NKAIN2: variants seen among roughly 807,000 people sequenced by gnomAD.
NKAIN2 encodes the protein sodium/potassium transporting ATPase interacting 2.
Under a neutral mutation model 32.6 loss-of-function variants are expected in NKAIN2, and 14 were observed. The ratio of observed to expected loss-of-function variants is 0.43; its 90% CI spans 0.28 to 0.67. The LOEUF (loss-of-function observed/expected upper bound fraction) is 0.67. NKAIN2 is among the 30% of genes least tolerant of loss of function. NKAIN2 has a pLI of 0.17. For missense variants in NKAIN2, 198 were observed against 258.3 expected (o/e 0.77, Z 1.60); for synonymous variants, 80 against 87.2 (o/e 0.92, Z 0.46).
At chr6:124,754,538 T>C (rs1435890186) in intron 4 of NKAIN2, among the ~76,000 whole-genome samples, 3 of 151,874 alleles carry the variant, frequency 2.0e-5, no homozygotes, top group East Asian at 3.9e-4. Context: ...GGAAAACAAG[T>C]TCAACATCAC....
At chr6:124,135,043 G>A (rs1244646758) in intron 1 of NKAIN2, among the ~76,000 whole-genome samples, 1 of 151,906 alleles carries the variant, frequency 6.6e-6, no homozygotes, top group African/African-American at 2.4e-5. Flanking sequence ...TTTTGTATCC[G>A]GCAAAAGAGA....
intron 3 of NKAIN2, among the ~76,000 whole-genome samples, chr6:124,635,943 A>G (rs1783757741): frequency 1.3e-5 from 2 of 152,062 alleles, no homozygotes; most frequent in South Asian, 4.1e-4. Context: ...GCAAATAGGC[A>G]TAATAGACAT....
At chr6:124,346,275 AG>A (rs1798418717) in intron 2 of NKAIN2, among the ~76,000 whole-genome samples, 1 of 152,102 alleles carries the variant, frequency 6.6e-6, no homozygotes, top group Non-Finnish European at 1.5e-5. Context: ...ATTTTGGAAT[AG>A]GTGTGGTGTG....
Position 124,650,215 on chromosome 6 carries a change from C to T in NKAIN2, c.274-7971C>T, listed in dbSNP as rs370106866. On this transcript the variant is annotated intron_variant, in intron 3 of 6. Transcript: ENST00000368417. ...GAAGAGATAAAACTATTTTTGCTCACAGATAAAATGATTGTCTGTGTAGAA... is the reference window on the plus strand; with the variant it reads ...GAAGAGATAAAACTATTTTTGCTCATAGATAAAATGATTGTCTGTGTAGAA... 2.5e-4 allele frequency among the ~76,000 whole-genome samples: 38 copies of T among 152,196 alleles called. 1 individual carries two copies. The South Asian group carries it at 7.5e-3, about 30-fold the overall frequency.
intron 3 of NKAIN2, among the ~76,000 whole-genome samples, chr6:124,466,535 C>T (rs1027733539): frequency 6.6e-6 from 1 of 151,892 alleles, no homozygotes; most frequent in Non-Finnish European, 1.5e-5. Context: ...ACTGCTCATC[C>T]ATCAAATCCT....
At chr6:124,733,654 AAGAAG>A (rs1285822312) in intron 4 of NKAIN2, among the ~76,000 whole-genome samples, 1 of 151,868 alleles carries the variant, frequency 6.6e-6, no homozygotes, top group Non-Finnish European at 1.5e-5. Flanking sequence ...GGTTGAAGAT[AAGAAG>A]AGAAGGCTAG....
chr6:123,874,699 TA>T (rs1773084024), intron 1 of NKAIN2, among the ~76,000 whole-genome samples: 2 of 152,278 alleles, frequency 1.3e-5, no homozygotes, highest in African/African-American at 4.8e-5. Context: ...AAAGGGTTCA[TA>T]AAAATTGAAT....
At chr6:124,662,665 C>T (rs559021202) in intron 4 of NKAIN2, among the ~76,000 whole-genome samples, 3 of 152,116 alleles carry the variant, frequency 2.0e-5, no homozygotes, top group East Asian at 3.9e-4. Context: ...CTGAGGATAC[C>T]GTTAGTGAAG....
intron 2 of NKAIN2, among the ~76,000 whole-genome samples, chr6:124,348,937 G>A (rs1203852206): frequency 3.3e-5 from 5 of 152,188 alleles, no homozygotes; most frequent in Non-Finnish European, 7.3e-5. Flanking sequence ...GGTGCACCAG[G>A]AGATTATATC....
intron 5 of NKAIN2, among the ~76,000 whole-genome samples, chr6:124,816,360 T>C (rs1341556196): frequency 6.6e-6 from 1 of 152,182 alleles, no homozygotes; most frequent in Non-Finnish European, 1.5e-5. Context: ...TAGATACATG[T>C]CACGCATTTA....
At chr6:123,871,899 A>G (rs1475140003) in intron 1 of NKAIN2, among the ~76,000 whole-genome samples, 1 of 152,224 alleles carries the variant, frequency 6.6e-6, no homozygotes. Context: ...GAATTTCCTT[A>G]TAATCTCACA....
chr6:124,067,497 C>T (rs2114871302), intron 1 of NKAIN2, among the ~76,000 whole-genome samples: 1 of 152,268 alleles, frequency 6.6e-6, no homozygotes, highest in African/African-American at 2.4e-5. Context: ...AAATAGAAGT[C>T]TGAGGACCAG....
intron 3 of NKAIN2, among the ~76,000 whole-genome samples, chr6:124,609,167 T>C (rs948461733): frequency 2.0e-5 from 3 of 152,164 alleles, no homozygotes. Flanking sequence ...ACAATGCTCC[T>C]AGTTACCTGA....
intron 1 of NKAIN2, among the ~76,000 whole-genome samples, chr6:124,136,204 C>A (rs1219462127): frequency 2.6e-5 from 4 of 151,990 alleles, no homozygotes; most frequent in Non-Finnish European, 4.4e-5. Flanking sequence ...ACAACCAATA[C>A]CACAGAAATA....
chr6:124,334,570 C>T (rs1299999320), intron 2 of NKAIN2, among the ~76,000 whole-genome samples: 2 of 152,104 alleles, frequency 1.3e-5, no homozygotes, highest in African/African-American at 4.8e-5. Flanking sequence ...CACTAGAAGA[C>T]CAGATAAGCC....
At chr6:124,634,833 AAAACAAAC>A (rs532079929) in intron 3 of NKAIN2, among the ~76,000 whole-genome samples, 6 of 152,000 alleles carry the variant, frequency 3.9e-5, no homozygotes, top group East Asian at 1.9e-4. Context: ...AAAAACAGCA[AAAACAAAC>A]AAACAAACAA....
chr6:124,203,826 T>G (rs534034732), intron 1 of NKAIN2, among the ~76,000 whole-genome samples: 9 of 151,654 alleles, frequency 5.9e-5, no homozygotes, highest in Non-Finnish European at 1.3e-4. Flanking sequence ...GTTTACTAGG[T>G]TTAAGTGTCA....
rs559590031 is a variant in NKAIN2, at chr6:124,469,555, C to T, written c.273+114208C>T. Among the ~76,000 whole-genome samples, 242 of 152,160 alleles carry T rather than the reference C, an allele frequency of 1.6e-3. 1 individual carries two copies. The highest frequency in any genetic ancestry group is 5.7e-3 in the African/African-American group (235 of 41,520). ...CAAATAACAAAGGTCTATTATGGTCCTTTTTTATTTTGCTAATGTAAACAA... is the reference window on the plus strand; with the variant it reads ...CAAATAACAAAGGTCTATTATGGTCTTTTTTTATTTTGCTAATGTAAACAA... On this transcript the variant is annotated intron_variant, in intron 3 of 6. Transcript: ENST00000368417.
intron 1 of NKAIN2, among the ~76,000 whole-genome samples, chr6:123,903,191 A>G (rs1402844784): frequency 3.3e-5 from 5 of 152,236 alleles, no homozygotes; most frequent in African/African-American, 1.2e-4. Flanking sequence ...GATGTCTGTC[A>G]CGAAACCTTT....
Sources: gnomAD v4.1 joint callset for allele counts (sites outside exome capture counted in the v4.1 genomes callset) on GRCh38, gnomAD v4.1.1 for gene constraint, MANE v1.5 for transcripts, NCBI Gene and HGNC (gene_info 2026-07-23, HGNC 2026-07-21) for gene names.